CD1B: variants seen among roughly 807,000 people sequenced by gnomAD.
CD1B encodes the protein T-cell surface glycoprotein CD1b.
Under a neutral mutation model 39.8 loss-of-function variants are expected in CD1B, and 43 were observed. The observed-to-expected ratio is 1.08, with a 90% CI of 0.85 to 1.39. CD1B has a LOEUF of 1.39. Among genes scored for constraint, CD1B ranks in the 40% most tolerant of loss-of-function variants. CD1B has a pLI of 0.00. For missense variants in CD1B, 495 were observed against 403.8 expected (o/e 1.23, Z -1.94); for synonymous variants, 192 against 152.5 (o/e 1.26, Z -1.91).
the CD1B span, chr1:158,292,908 T>A: frequency 5.0e-6 from 8 of 1,606,984 alleles, no homozygotes; most frequent in African/African-American, 9.4e-5. Context: ...AGGTAGGTGG[T>A]TCTTGAGCCT....
chr1:158,307,489 A>G, the CD1B span, among the ~76,000 whole-genome samples: 74,895 of 151,910 alleles, frequency 0.49, 20,291 homozygotes, highest in East Asian at 0.75. Context: ...ATTCACTGCC[A>G]AATTCTACCA....
At chr1:158,318,839 G>A in the CD1B span, among the ~76,000 whole-genome samples, 1 of 152,152 alleles carries the variant, frequency 6.6e-6, no homozygotes, top group Non-Finnish European at 1.5e-5. Flanking sequence ...TCCTTCAGGA[G>A]CTCTTTTAGG....
chr1:158,326,619 G>A (rs544087168), downstream of CD1B, among the ~76,000 whole-genome samples: 9 of 151,796 alleles, frequency 5.9e-5, no homozygotes, highest in African/African-American at 1.9e-4. Flanking sequence ...ATGTAATTTC[G>A]GCTATATGTT....
the CD1B span, among the ~76,000 whole-genome samples, chr1:158,290,658 G>A: frequency 6.6e-6 from 1 of 152,162 alleles, no homozygotes; most frequent in African/African-American, 2.4e-5. Flanking sequence ...GGCTGATGGG[G>A]AAGATTGTCT....
the CD1B span, among the ~76,000 whole-genome samples, chr1:158,286,112 C>T: frequency 6.6e-6 from 1 of 152,038 alleles, no homozygotes; most frequent in African/African-American, 2.4e-5. Context: ...AACACAACAA[C>T]GTCTGTGGTC....
At chr1:158,328,653 G>A (rs1448790780) in intron 5 of CD1B, among the ~76,000 whole-genome samples, 1 of 152,154 alleles carries the variant, frequency 6.6e-6, no homozygotes, top group Non-Finnish European at 1.5e-5. Context: ...AGACAGAAGA[G>A]TTTTGAAGAT....
At chr1:158,321,923 C>T in the CD1B span, among the ~76,000 whole-genome samples, 1 of 152,086 alleles carries the variant, frequency 6.6e-6, no homozygotes, top group Admixed American at 6.5e-5. Flanking sequence ...CTCCTCTCAT[C>T]CACCACACTC....
chr1:158,316,782 T>C, the CD1B span, among the ~76,000 whole-genome samples: 1 of 151,758 alleles, frequency 6.6e-6, no homozygotes, highest in African/African-American at 2.4e-5. Context: ...CAGTATGATA[T>C]TGGCTGTGGG....
rs781511854 is a variant in CD1B at position 158,330,850 on chromosome 1, T to C, written c.274A>G (p.Ile92Val). ...TGTACTTCTCGAGCGAATCCAAAGA[T>C]GTAGACTCGGAATATCTCCTCTAAC... The part of the protein sequence containing the change: ...AELEEIFRVY[I>V]FGFAREVQDF... Residue 92 changes from isoleucine (I) to valine (V), a missense_variant, in exon 2 of 6, where the codon ATC becomes GTC. Ile to Val is a conservative substitution (Grantham distance 29, BLOSUM62 3). Coordinates refer to ENST00000368168, the MANE Select transcript of CD1B (RefSeq NM_001764.3). 2.9e-5 allele frequency: 46 copies of C among 1,614,016 alleles called. No individual in the cohort carries two copies. The highest frequency in any genetic ancestry group is 3.7e-5 in the Non-Finnish European group (44 of 1,180,004).
chr1:158,299,743 ATTTC>A, the CD1B span, among the ~76,000 whole-genome samples: 1 of 152,058 alleles, frequency 6.6e-6, no homozygotes, highest in Admixed American at 6.5e-5. Context: ...GAATTTATCC[ATTTC>A]TTCTAGATTT....
At chr1:158,316,610 C>T in the CD1B span, among the ~76,000 whole-genome samples, 1,244 of 150,500 alleles carry the variant, frequency 8.3e-3, 20 homozygotes, top group African/African-American at 0.028. Context: ...CAAACAGGGA[C>T]AATTTGACTT....
the CD1B span, among the ~76,000 whole-genome samples, chr1:158,303,417 G>A: frequency 6.6e-6 from 1 of 152,180 alleles, no homozygotes; most frequent in Non-Finnish European, 1.5e-5. Context: ...CATAATACTG[G>A]AAGTCCTAGC....
the CD1B span, chr1:158,291,126 A>G: frequency 6.3e-7 from 1 of 1,595,338 alleles, no homozygotes; most frequent in Non-Finnish European, 8.5e-7. Flanking sequence ...CCCTTCTTCC[A>G]CCAAAAGCAT....
At chr1:158,292,968 T>A in the CD1B span, 1 of 1,243,580 alleles carries the variant, frequency 8.0e-7, no homozygotes, top group East Asian at 2.4e-5. Context: ...AGGTGAGGGA[T>A]TGTAGGAAGA....
chr1:158,302,559 G>C, the CD1B span, among the ~76,000 whole-genome samples: 1 of 151,974 alleles, frequency 6.6e-6, no homozygotes, highest in Non-Finnish European at 1.5e-5. Flanking sequence ...AGGAGAAAAA[G>C]ATGAGAAAAT....
chr1:158,314,217 T>C, the CD1B span, among the ~76,000 whole-genome samples: 1 of 152,102 alleles, frequency 6.6e-6, no homozygotes, highest in South Asian at 2.1e-4. Context: ...CCCTAGTGGC[T>C]GGAATTACAG....
chr1:158,322,511 C>T, the CD1B span, among the ~76,000 whole-genome samples: 2 of 151,358 alleles, frequency 1.3e-5, no homozygotes, highest in South Asian at 2.1e-4. Flanking sequence ...TTTAGTCAAT[C>T]CACTTGCCTC....
At chr1:158,292,136 C>A in the CD1B span, 1 of 1,614,038 alleles carries the variant, frequency 6.2e-7, no homozygotes, top group Non-Finnish European at 8.5e-7. Flanking sequence ...CTGGAAAGAG[C>A]CCAGAAGGCT....
At chr1:158,291,138 C>A in the CD1B span, 1 of 1,612,488 alleles carries the variant, frequency 6.2e-7, no homozygotes, top group Admixed American at 1.7e-5. Flanking sequence ...CAAAAGCATC[C>A]CAGGAACACG....
Sources: gnomAD v4.1 joint callset for allele counts (sites outside exome capture counted in the v4.1 genomes callset) on GRCh38, gnomAD v4.1.1 for gene constraint, MANE v1.5 for transcripts, NCBI Gene and HGNC (gene_info 2026-07-23, HGNC 2026-07-21) for gene names.